Variants in EGFR observed in about 807,000 individuals in gnomAD.
EGFR encodes the protein avian erythroblastic leukemia viral (v-erb-b) oncogene homolog.
EGFR carries 58 observed loss-of-function variants against 143.0 expected under a neutral mutation model. The ratio of observed to expected loss-of-function variants is 0.41; its 90% CI spans 0.33 to 0.50. EGFR has a LOEUF of 0.50. Among genes scored for constraint, EGFR ranks in the 20% least tolerant of loss-of-function variants. The pLI is 0.39. For missense variants in EGFR, 1,307 were observed against 1,579.0 expected (o/e 0.83, Z 2.92); for synonymous variants, 613 against 594.4 (o/e 1.03, Z -0.45).
Position 55,019,144 on chromosome 7 carries a change from C to G in EGFR, c.-134C>G, listed in dbSNP as rs551488510. The G allele has an allele frequency of 1.6e-5, 11 of 673,416 alleles. No individual in the cohort carries two copies. Among genetic ancestry groups the G allele is most frequent in the Middle Eastern group, 4.7e-4 (1 of 2,146 alleles). 41.7% of individuals were successfully genotyped at this position (673,416 alleles called of 1,614,324 possible). On this transcript the variant is annotated 5_prime_UTR_variant, in exon 1 of 28. Transcript: ENST00000275493. ...CCCCGGCGGCCGCCGCCGCCCAGAC[C>G]GGACGACAGGCCACCTCGTCGGCGT...
rs73696639 is a variant in EGFR, at chr7:55,022,307, C to T, written c.88+2942C>T. Among the ~76,000 whole-genome samples, 1,437 of 152,188 alleles carry T rather than the reference C, an allele frequency of 9.4e-3. 22 individuals are homozygous for T. Among genetic ancestry groups the T allele is most frequent in the African/African-American group, 0.027 (1,126 of 41,516 alleles). Reference sequence around the variant, plus strand: ...TGAGGGAGCTTTGTGGAAATAAGCCCGCCCAGCCCCACTTCTGGAGACGTT... The same window carrying T: ...TGAGGGAGCTTTGTGGAAATAAGCCTGCCCAGCCCCACTTCTGGAGACGTT... On this transcript the variant is annotated intron_variant, in intron 1 of 27. Transcript: ENST00000275493.
chr7:55,044,548 G>T (rs940517670), intron 1 of EGFR, among the ~76,000 whole-genome samples: 4 of 152,194 alleles, frequency 2.6e-5, no homozygotes, highest in Admixed American at 6.5e-5. Context: ...CCATGCATTT[G>T]TGGTGCTTCG....
chr7:55,179,116 C>T (rs946385545), intron 19 of EGFR, among the ~76,000 whole-genome samples: 4 of 152,240 alleles, frequency 2.6e-5, no homozygotes, highest in Non-Finnish European at 5.9e-5. Flanking sequence ...GCCAGCTAGA[C>T]CCTAAGCGTG....
intron 1 of EGFR, among the ~76,000 whole-genome samples, chr7:55,094,061 G>A (rs1264778629): frequency 6.6e-6 from 1 of 152,214 alleles, no homozygotes; most frequent in African/African-American, 2.4e-5. Context: ...ATTGTACACA[G>A]CTGTGTACTG....
At chr7:55,096,812 C>A (rs940176111) in intron 1 of EGFR, among the ~76,000 whole-genome samples, 3 of 152,154 alleles carry the variant, frequency 2.0e-5, no homozygotes, top group African/African-American at 4.8e-5. Context: ...GCGGTTTGTG[C>A]CCTTGCTGGA....
rs192846501 is a variant in EGFR, at chr7:55,167,128, G to T, written c.1880+1691G>T. Among the ~76,000 whole-genome samples, 10 of 141,714 alleles carry T rather than the reference G, an allele frequency of 7.1e-5. 1 individual carries two copies. In the East Asian group the frequency reaches 2.4e-3, roughly 34 times the overall value. 93.0% of individuals were successfully genotyped at this position (141,714 alleles called of 152,430 possible). On this transcript the variant is annotated intron_variant, in intron 15 of 27. Transcript: ENST00000275493. Reference sequence around the variant, plus strand: ...AGTCACAATGGTGTCAGTGTTGATGGTGGCGATGGTGATGAGGAGGTGGGA... The same window carrying T: ...AGTCACAATGGTGTCAGTGTTGATGTTGGCGATGGTGATGAGGAGGTGGGA...
chr7:55,108,717 AT>A (rs1215563252), intron 1 of EGFR, among the ~76,000 whole-genome samples: 1 of 152,192 alleles, frequency 6.6e-6, no homozygotes, highest in African/African-American at 2.4e-5. Context: ...ATTCGATTTA[AT>A]CTGTAGGACT....
At chr7:55,059,977 G>A (rs1789074424) in intron 1 of EGFR, among the ~76,000 whole-genome samples, 1 of 152,176 alleles carries the variant, frequency 6.6e-6, no homozygotes, top group Admixed American at 6.5e-5. Context: ...AAGAACTGAA[G>A]GCAGAGAGGT....
chr7:55,145,456 C>A (rs149924487), intron 3 of EGFR, among the ~76,000 whole-genome samples: 1 of 152,216 alleles, frequency 6.6e-6, no homozygotes, highest in African/African-American at 2.4e-5. Flanking sequence ...ACTGAAGAAG[C>A]CTGTTCCACT....
chr7:55,179,410 G>A (rs1373934771), intron 19 of EGFR, among the ~76,000 whole-genome samples: 1 of 152,218 alleles, frequency 6.6e-6, no homozygotes, highest in Non-Finnish European at 1.5e-5. Flanking sequence ...CAAGATACCA[G>A]GAGAGTTTCA....
intron 15 of EGFR, chr7:55,168,411 A>G: frequency 2.6e-6 from 2 of 775,762 alleles, no homozygotes; most frequent in South Asian, 2.9e-5. Flanking sequence ...TTTTCAATAC[A>G]CTTACTTTGT....
intron 1 of EGFR, among the ~76,000 whole-genome samples, chr7:55,021,647 A>G (rs1040901162): frequency 6.6e-6 from 1 of 152,214 alleles, no homozygotes; most frequent in South Asian, 2.1e-4. Flanking sequence ...AATTTGTTTA[A>G]GGCCTGTGTC....
intron 19 of EGFR, 173 bp from the exon 20 acceptor site, chr7:55,181,120 G>A (rs914162656): frequency 3.8e-6 from 3 of 794,304 alleles, no homozygotes; most frequent in Non-Finnish European, 6.2e-6. Flanking sequence ...TCACTTCACA[G>A]CCCTGCGTAA....
chr7:55,028,025 T>TATATATATATATACAC (rs869080650), intron 1 of EGFR, among the ~76,000 whole-genome samples: 5 of 101,644 alleles, frequency 4.9e-5, no homozygotes, highest in African/African-American at 2.4e-4. Context: ...TATATATATA[T>TATATATATATATACAC]ACACACACAC....
In EGFR at chr7:55,148,892, T is replaced by G. The variant is rs192574956; in HGVS notation, c.559+2152T>G. ...AAAATCTCATGAGATGATTTAAGTG[T>G]TTTATGGACAAGATGTCTAAAACTC... On this transcript the variant is annotated intron_variant, in intron 4 of 27. Transcript: ENST00000275493. Among the ~76,000 whole-genome samples the G allele has an allele frequency of 3.3e-3, 510 of 152,270 alleles. 1 individual carries two copies. The highest frequency in any genetic ancestry group is 9.1e-3 in the African/African-American group (377 of 41,536).
At chr7:55,199,290 T>G (rs1056365893) in intron 23 of EGFR, among the ~76,000 whole-genome samples, 2 of 152,198 alleles carry the variant, frequency 1.3e-5, no homozygotes, top group Non-Finnish European at 2.9e-5. Context: ...AACCAGTGGA[T>G]TTATGTGAAG....
intron 15 of EGFR, among the ~76,000 whole-genome samples, chr7:55,169,178 G>A (rs1786224309): frequency 6.6e-6 from 1 of 151,186 alleles, no homozygotes; most frequent in Non-Finnish European, 1.5e-5. Flanking sequence ...TTGGCTCACT[G>A]CAACCTCCAC....
chr7:55,122,908 A>T (rs1273169564), intron 1 of EGFR, among the ~76,000 whole-genome samples: 1 of 152,284 alleles, frequency 6.6e-6, no homozygotes, highest in Non-Finnish European at 1.5e-5. Flanking sequence ...TGCTGGGGCC[A>T]GCGTGCAGTG....
chr7:55,034,954 T>C (rs183925741), intron 1 of EGFR, among the ~76,000 whole-genome samples: 332 of 152,284 alleles, frequency 2.2e-3, no homozygotes, highest in African/African-American at 7.7e-3. Flanking sequence ...TGAAGGGTGG[T>C]CTAACCTTTG....
Sources: allele counts gnomAD v4.1 joint callset (sites outside exome capture counted in the v4.1 genomes callset), GRCh38; gene constraint gnomAD v4.1.1; transcripts MANE v1.5; gene names NCBI Gene and HGNC (gene_info 2026-07-23, HGNC 2026-07-21).